The following TRHDE variants were observed in gnomAD, a reference collection of about 807,000 sequenced individuals.
TRHDE encodes the protein thyrotropin-releasing hormone-degrading ectoenzyme.
TRHDE carries 72 observed loss-of-function variants against 125.7 expected under a neutral mutation model. That is an observed-to-expected ratio of 0.57 (90% confidence interval 0.47 to 0.70). TRHDE has a LOEUF of 0.70. TRHDE is among the 30% of genes least tolerant of loss of function. TRHDE has a pLI of 0.00. For synonymous variants in TRHDE, 509 were observed against 509.1 expected (o/e 1.00, Z 0.00); for missense variants, 1,110 against 1,327.1 (o/e 0.84, Z 2.54).
chr12:72,340,750 G>A (rs1449356878), intron 2 of TRHDE, among the ~76,000 whole-genome samples: 2 of 152,156 alleles, frequency 1.3e-5, no homozygotes, highest in African/African-American at 4.8e-5. Flanking sequence ...ATACTTCCCA[G>A]AGTTGTACAC....
chr12:72,385,358 G>A (rs2135784898), intron 3 of TRHDE, among the ~76,000 whole-genome samples: 1 of 152,128 alleles, frequency 6.6e-6, no homozygotes, highest in Non-Finnish European at 1.5e-5. Flanking sequence ...TAAGGTGGTA[G>A]TTTGCCTTCT....
chr12:72,233,219 C>A lies in TRHDE; in HGVS notation n.279+127467C>A, dbSNP rs191234168. ...TGTCCAACTTGGGATGAAATGGTGC[C>A]GAGAAGGTGGAAGCTCCAGGAGAAA... is the stretch of plus-strand genomic sequence containing the variant. On this transcript the variant is annotated intron_variant and non_coding_transcript_variant, in intron 2 of 4. Transcript: ENST00000548156. Among the ~76,000 whole-genome samples, 3 of 151,920 alleles carry A rather than the reference C, an allele frequency of 2.0e-5. No individual in the cohort carries two copies. In the South Asian group the frequency reaches 6.2e-4, roughly 32 times the overall value.
intron 7 of TRHDE, among the ~76,000 whole-genome samples, chr12:72,555,578 T>C (rs943646626): frequency 1.3e-5 from 2 of 152,180 alleles, no homozygotes; most frequent in Non-Finnish European, 2.9e-5. Context: ...TGTTACTCAT[T>C]TTTACTTAAT....
intron 2 of TRHDE, among the ~76,000 whole-genome samples, chr12:72,226,817 C>G (rs975268941): frequency 1.3e-5 from 2 of 152,090 alleles, no homozygotes; most frequent in Admixed American, 6.6e-5. Flanking sequence ...GGCTGAGAAA[C>G]TACAGATTTT....
intron 2 of TRHDE, among the ~76,000 whole-genome samples, chr12:72,357,130 A>G (rs1347469378): frequency 1.3e-5 from 2 of 151,548 alleles, no homozygotes; most frequent in African/African-American, 4.8e-5. Flanking sequence ...TACAGATTCA[A>G]TTCTATTCCT....
chr12:72,637,069 GA>G (rs1163095441), intron 15 of TRHDE, among the ~76,000 whole-genome samples: 1 of 152,182 alleles, frequency 6.6e-6, no homozygotes, highest in Non-Finnish European at 1.5e-5. Flanking sequence ...AATAGTTTCA[GA>G]AGGAATGGTA....
At chr12:72,196,098 A>G (rs945658057) in intron 2 of TRHDE, among the ~76,000 whole-genome samples, 7 of 152,066 alleles carry the variant, frequency 4.6e-5, no homozygotes, top group Non-Finnish European at 1.0e-4. Context: ...CTGTTTCTGT[A>G]CCAGTACCAT....
intron 6 of TRHDE, among the ~76,000 whole-genome samples, chr12:72,517,809 G>C (rs1172873335): frequency 6.6e-6 from 1 of 151,526 alleles, no homozygotes; most frequent in African/African-American, 2.4e-5. Context: ...TCTACACACT[G>C]CTTTGAATGC....
intron 2 of TRHDE, among the ~76,000 whole-genome samples, chr12:72,290,226 G>A (rs1325341608): frequency 6.6e-6 from 1 of 152,166 alleles, no homozygotes; most frequent in Admixed American, 6.5e-5. Context: ...CTTTGCCAGG[G>A]AGATGTTAAC....
chr12:72,374,738 T>C (rs1183311133), intron 2 of TRHDE, among the ~76,000 whole-genome samples: 1 of 152,174 alleles, frequency 6.6e-6, no homozygotes, highest in Admixed American at 6.6e-5. Flanking sequence ...GAGAACTGAC[T>C]GTTGGATTTG....
chr12:72,348,314 C>A (rs1448394688), intron 2 of TRHDE, among the ~76,000 whole-genome samples: 1 of 151,770 alleles, frequency 6.6e-6, no homozygotes, highest in East Asian at 1.9e-4. Flanking sequence ...AAGCCTCTTG[C>A]ACTGGTTTAA....
intron 10 of TRHDE, among the ~76,000 whole-genome samples, chr12:72,569,713 C>T (rs1463755): frequency 0.27 from 40,510 of 151,994 alleles, 8,134 homozygotes; most frequent in African/African-American, 0.54. Flanking sequence ...AGACATACGA[C>T]GAAAACATAT....
chr12:72,437,536 C>A (rs1220946815), intron 3 of TRHDE, among the ~76,000 whole-genome samples: 1 of 151,772 alleles, frequency 6.6e-6, no homozygotes, highest in Non-Finnish European at 1.5e-5. Context: ...CTACTATTGT[C>A]ATTTTCAGCT....
intron 12 of TRHDE, among the ~76,000 whole-genome samples, chr12:72,602,934 C>T (rs1872266444): frequency 1.3e-5 from 2 of 152,094 alleles, no homozygotes; most frequent in African/African-American, 4.8e-5. Context: ...GGTATTTAAA[C>T]ATAAACCAGA....
chr12:72,549,736 G>A (rs115926821), intron 7 of TRHDE, among the ~76,000 whole-genome samples: 117 of 151,770 alleles, frequency 7.7e-4, no homozygotes, highest in African/African-American at 2.7e-3. Flanking sequence ...GAAAAGATTT[G>A]ATGGATTTCA....
chr12:72,425,047 A>G (rs908688080), intron 3 of TRHDE, among the ~76,000 whole-genome samples: 4 of 152,150 alleles, frequency 2.6e-5, no homozygotes, highest in Admixed American at 1.3e-4. Context: ...TATAAGAAAA[A>G]TGAAAGCAAT....
At chr12:72,518,473 C>T (rs1303983403) in intron 6 of TRHDE, among the ~76,000 whole-genome samples, 1 of 151,996 alleles carries the variant, frequency 6.6e-6, no homozygotes, top group African/African-American at 2.4e-5. Flanking sequence ...GCAACCCCTG[C>T]CTTTTTTAGT....
At chr12:72,415,939 GTT>G in intron 3 of TRHDE, among the ~76,000 whole-genome samples, 1 of 151,970 alleles carries the variant, frequency 6.6e-6, no homozygotes, top group Non-Finnish European at 1.5e-5. Context: ...CTCTATTTTT[GTT>G]TTTTGAGGCA....
At chr12:72,118,832 T>C (rs950247842) in intron 2 of TRHDE, among the ~76,000 whole-genome samples, 5 of 152,188 alleles carry the variant, frequency 3.3e-5, no homozygotes, top group African/African-American at 1.2e-4. Flanking sequence ...CTTACTGGCA[T>C]ATAGTTGCTC....
Sources: gnomAD v4.1 joint callset for allele counts (sites outside exome capture counted in the v4.1 genomes callset) on GRCh38, gnomAD v4.1.1 for gene constraint, MANE v1.5 for transcripts, NCBI Gene and HGNC (gene_info 2026-07-23, HGNC 2026-07-21) for gene names.